The following HS6ST3 variants were observed in gnomAD, a reference collection of about 807,000 sequenced individuals.
The protein encoded by HS6ST3 is heparan-sulfate 6-O-sulfotransferase 3.
In HS6ST3, 12 loss-of-function variants were observed where a neutral mutation model predicts 36.7. The observed-to-expected ratio is 0.33, with a 90% CI of 0.21 to 0.53. The LOEUF (loss-of-function observed/expected upper bound fraction) is 0.53, where lower values mean the gene tolerates loss of function less well. Among genes scored for constraint, HS6ST3 ranks in the 20% least tolerant of loss-of-function variants. HS6ST3 has a pLI of 0.95. For synonymous variants in HS6ST3, 240 were observed against 257.5 expected, an observed-to-expected ratio of 0.93 and a Z score of 0.65; for missense variants, 584 against 640.9, an observed-to-expected ratio of 0.91 and a Z score of 0.96.
intron 1 of HS6ST3, among the ~76,000 whole-genome samples, chr13:96,149,378 A>G (rs971336023): frequency 1.3e-5 from 2 of 152,174 alleles, no homozygotes; most frequent in Non-Finnish European, 2.9e-5. Context: ...CTTCATTTTT[A>G]TAGCATTTTT....
At chr13:96,285,039 G>T (rs563457808) in intron 1 of HS6ST3, among the ~76,000 whole-genome samples, 1 of 151,048 alleles carries the variant, frequency 6.6e-6, no homozygotes, top group East Asian at 2.0e-4. Flanking sequence ...AATATCTTAG[G>T]GCTTTAAGAT....
chr13:96,734,419 CTT>C (rs1217786624), intron 1 of HS6ST3, among the ~76,000 whole-genome samples: 2 of 152,168 alleles, frequency 1.3e-5, no homozygotes, highest in African/African-American at 2.4e-5. Flanking sequence ...GTTATCCAGA[CTT>C]TGACATTTAA....
At position 96,090,980 on chromosome 13, in the gene HS6ST3, C is replaced by A; in HGVS notation, c.118C>A (p.Gln40Lys). 7.3e-7 allele frequency: 1 copy of A among 1,365,410 alleles called. No individual in the cohort carries two copies. Among genetic ancestry groups the A allele is most frequent in the Admixed American group, 2.6e-5 (1 of 38,226 alleles). 84.6% of individuals were successfully genotyped at this position (1,365,410 alleles called of 1,614,324 possible). A position where few individuals can be genotyped will look rare whatever the true frequency, so the allele number is the denominator to read the frequency against. The change falls in exon 1 of 2, where the codon CAG (glutamine) becomes AAG (lysine). Residue 40 changes from glutamine (Q) to lysine (K), a missense_variant. Coordinates refer to ENST00000376705, the MANE Select transcript of HS6ST3 (RefSeq NM_153456.4). ...CAGCTCCTGCACCAACTTCGGGGAG[C>A]AGCCCCGCGCGGGGGAGGCCGGCCC... Reference protein sequence around the residue: ...CTSSCTNFGEQPRAGEAGPPA... With the variant: ...CTSSCTNFGEKPRAGEAGPPA...
At chr13:96,537,080 A>G (rs1198155899) in intron 1 of HS6ST3, among the ~76,000 whole-genome samples, 1 of 152,236 alleles carries the variant, frequency 6.6e-6, no homozygotes, top group Non-Finnish European at 1.5e-5. Context: ...TGATAAAGAC[A>G]TACCCAAGAT....
chr13:96,463,492 GT>G (rs2055795587), intron 1 of HS6ST3, among the ~76,000 whole-genome samples: 1 of 152,098 alleles, frequency 6.6e-6, no homozygotes, highest in African/African-American at 2.4e-5. Flanking sequence ...ACTATAAAAT[GT>G]TTAGAGGAAA....
intron 1 of HS6ST3, among the ~76,000 whole-genome samples, chr13:96,634,115 G>A (rs967524794): frequency 6.6e-6 from 1 of 152,276 alleles, no homozygotes; most frequent in East Asian, 1.9e-4. Context: ...AGCCATGCTG[G>A]CTCCCTGAGC....
At chr13:96,242,876 G>A (rs780087645) in intron 1 of HS6ST3, among the ~76,000 whole-genome samples, 5 of 152,126 alleles carry the variant, frequency 3.3e-5, no homozygotes, top group South Asian at 2.1e-4. Flanking sequence ...AAAAGATATC[G>A]GCACTCCCAT....
intron 1 of HS6ST3, among the ~76,000 whole-genome samples, chr13:96,744,483 G>T (rs992810495): frequency 9.2e-5 from 14 of 152,002 alleles, no homozygotes; most frequent in African/African-American, 3.4e-4. Context: ...ATGGCTGAAC[G>T]AACAGGCTTT....
intron 1 of HS6ST3, among the ~76,000 whole-genome samples, chr13:96,327,903 G>A (rs2055041879): frequency 7.0e-6 from 1 of 142,826 alleles, no homozygotes; most frequent in Admixed American, 6.9e-5. Context: ...CACATCCCTT[G>A]TAAGTTGGAT....
intron 1 of HS6ST3, among the ~76,000 whole-genome samples, chr13:96,602,578 C>G (rs752338682): frequency 1.1e-4 from 17 of 152,144 alleles, no homozygotes; most frequent in Admixed American, 2.0e-4. Flanking sequence ...GCCAGTGCTG[C>G]TCTGGGGCAC....
chr13:96,746,953 AGTT>A (rs1314860461), intron 1 of HS6ST3, among the ~76,000 whole-genome samples: 1 of 152,050 alleles, frequency 6.6e-6, no homozygotes, highest in African/African-American at 2.4e-5. Flanking sequence ...GTTTGATGTC[AGTT>A]GTTTGTCAGG....
intron 1 of HS6ST3, among the ~76,000 whole-genome samples, chr13:96,694,951 G>A (rs1875083816): frequency 6.6e-6 from 1 of 152,126 alleles, no homozygotes; most frequent in African/African-American, 2.4e-5. Context: ...TAGAAACTCG[G>A]TCAAAACTGT....
intron 1 of HS6ST3, among the ~76,000 whole-genome samples, chr13:96,172,920 T>C (rs1324089147): frequency 1.3e-5 from 2 of 152,224 alleles, no homozygotes; most frequent in Non-Finnish European, 2.9e-5. Flanking sequence ...TGTTATCTCA[T>C]TTAAATCCTA....
intron 1 of HS6ST3, among the ~76,000 whole-genome samples, chr13:96,511,620 A>G (rs181119007): frequency 6.6e-6 from 1 of 151,192 alleles, no homozygotes; most frequent in East Asian, 1.9e-4. Context: ...TGGGCATTCT[A>G]GATATGATTC....
At chr13:96,163,018 A>AT (rs891330885) in intron 1 of HS6ST3, among the ~76,000 whole-genome samples, 1 of 152,032 alleles carries the variant, frequency 6.6e-6, no homozygotes, top group African/African-American at 2.4e-5. Context: ...CAAATATGAT[A>AT]TTTTAGGACC....
At chr13:96,294,780 A>C (rs9556550) in intron 1 of HS6ST3, among the ~76,000 whole-genome samples, 54,908 of 151,844 alleles carry the variant, frequency 0.36, 10,251 homozygotes, top group African/African-American at 0.43. Flanking sequence ...TTCTTTTAAA[A>C]TATGCTGATA....
intron 1 of HS6ST3, among the ~76,000 whole-genome samples, chr13:96,167,088 T>A (rs1204173004): frequency 6.6e-6 from 1 of 152,160 alleles, no homozygotes. Context: ...CTTGGGTATG[T>A]CTTTATTAGC....
At chr13:96,828,652 A>G (rs961023835) in intron 1 of HS6ST3, among the ~76,000 whole-genome samples, 1 of 152,030 alleles carries the variant, frequency 6.6e-6, no homozygotes, top group African/African-American at 2.4e-5. Context: ...CAAAATATGC[A>G]CACATCTCAT....
chr13:96,308,448 C>T (rs780929968), intron 1 of HS6ST3, among the ~76,000 whole-genome samples: 32 of 152,052 alleles, frequency 2.1e-4, no homozygotes, highest in Non-Finnish European at 4.3e-4. Context: ...TGAGTTTAAA[C>T]ATTAGATATA....
Sources: gnomAD v4.1 joint callset for allele counts (sites outside exome capture counted in the v4.1 genomes callset) on GRCh38, gnomAD v4.1.1 for gene constraint, MANE v1.5 for transcripts, NCBI Gene and HGNC (gene_info 2026-07-23, HGNC 2026-07-21) for gene names.